AMPH: variants seen among roughly 807,000 people sequenced by gnomAD.
The protein encoded by AMPH is amphiphysin, also known as amphiphysin (Stiff-Mann syndrome with breast cancer 128kD autoantigen).
A neutral mutation model predicts 99.1 loss-of-function variants in AMPH; 49 were observed. That is an observed-to-expected ratio of 0.49 (90% CI 0.39 to 0.63). AMPH has a LOEUF of 0.63. AMPH is among the 20% of genes least tolerant of loss of function. The pLI is 0.00. For synonymous variants in AMPH, 314 were observed against 317.3 expected (o/e 0.99, Z 0.11); for missense variants, 759 against 863.4 (o/e 0.88, Z 1.52).
chr7:38,467,275 A>G (rs1171166305), intron 7 of AMPH, among the ~76,000 whole-genome samples: 2 of 152,182 alleles, frequency 1.3e-5, no homozygotes, highest in African/African-American at 2.4e-5. Flanking sequence ...TGTCTGAGAT[A>G]GGGCAAAGGA....
rs777835794 is a variant in AMPH, at chr7:38,391,812, GC to G, written c.1813del (p.Ala605LeufsTer5). ...QPTPSAPAMG[A>X]ADQLASAREA... ...CCTTGCAGATGCTAGCTGGTCAGCA[GC>G]CCCCATGGCTGGTGCAGAAGGCGTG... On this transcript the variant is annotated frameshift_variant, in exon 19 of 21. Coordinates refer to ENST00000356264, the MANE Select transcript of AMPH (RefSeq NM_001635.4). LOFTEE classifies it high-confidence loss of function. 6.2e-7 allele frequency: 1 copy of G among 1,613,942 alleles called. No individual in the cohort carries two copies. Among genetic ancestry groups the G allele is most frequent in the Non-Finnish European group, 8.5e-7 (1 of 1,180,004 alleles).
At chr7:38,503,758 C>T (rs1789231686) in intron 2 of AMPH, 54 bp from the exon 3 acceptor site, 2 of 1,575,964 alleles carry the variant, frequency 1.3e-6, no homozygotes, top group Non-Finnish European at 1.7e-6. Context: ...TGCATGAAAA[C>T]ATGTAAGAAG....
chr7:38,553,865 A>AT (rs1791266132), intron 1 of AMPH, among the ~76,000 whole-genome samples: 1 of 152,358 alleles, frequency 6.6e-6, no homozygotes, highest in East Asian at 1.9e-4. Context: ...TTGGCTACAG[A>AT]TAAAAAAGAC....
At chr7:38,432,146 G>A in intron 13 of AMPH, 43 bp downstream of exon 13, 4 of 1,553,858 alleles carry the variant, frequency 2.6e-6, no homozygotes, top group East Asian at 2.2e-5. Flanking sequence ...CCAAATTTCT[G>A]GGGATCAAGA....
At chr7:38,545,651 C>T (rs1051603195) in intron 1 of AMPH, among the ~76,000 whole-genome samples, 5 of 152,190 alleles carry the variant, frequency 3.3e-5, no homozygotes, top group African/African-American at 1.2e-4. Context: ...ATAGGCTACA[C>T]GGTACTTACG....
At chr7:38,435,828 C>T (rs986143163) in intron 12 of AMPH, among the ~76,000 whole-genome samples, 7 of 152,150 alleles carry the variant, frequency 4.6e-5, no homozygotes, top group East Asian at 3.9e-4. Context: ...ACACTGAAAA[C>T]GGCTTCTGCT....
At chr7:38,470,654 A>T (rs1787849859) in intron 7 of AMPH, among the ~76,000 whole-genome samples, 1 of 152,028 alleles carries the variant, frequency 6.6e-6, no homozygotes, top group South Asian at 2.1e-4. Context: ...GATCTATCCG[A>T]CCATCTAATT....
intron 9 of AMPH, among the ~76,000 whole-genome samples, chr7:38,465,161 T>C (rs1452040927): frequency 1.3e-5 from 2 of 152,156 alleles, no homozygotes; most frequent in African/African-American, 4.8e-5. Flanking sequence ...ACAAATTATA[T>C]ATTACAACAA....
intron 7 of AMPH, among the ~76,000 whole-genome samples, chr7:38,467,635 G>A (rs1404877476): frequency 1.5e-5 from 1 of 66,714 alleles, no homozygotes; most frequent in Non-Finnish European, 2.9e-5. Context: ...ACTTACAATG[G>A]AAATATGTGT....
chr7:38,407,520 A>G (rs1160390508), intron 17 of AMPH, among the ~76,000 whole-genome samples: 2 of 152,080 alleles, frequency 1.3e-5, no homozygotes, highest in Non-Finnish European at 2.9e-5. Flanking sequence ...AAAGTTCACT[A>G]TTTGGGTGAT....
At chr7:38,425,475 AT>A (rs1306045205) in intron 15 of AMPH, among the ~76,000 whole-genome samples, 1 of 152,214 alleles carries the variant, frequency 6.6e-6, no homozygotes, top group Non-Finnish European at 1.5e-5. Flanking sequence ...TAGACCCACA[AT>A]TTTTTTATAA....
At chr7:38,601,435 C>A (rs1003552804) in intron 1 of AMPH, among the ~76,000 whole-genome samples, 1 of 152,192 alleles carries the variant, frequency 6.6e-6, no homozygotes, top group African/African-American at 2.4e-5. Context: ...TTTGCTTAAT[C>A]CAAGTTCCAT....
At chr7:38,605,558 CTTTTCGTTTTTTCT>C (rs1348299203) in intron 1 of AMPH, among the ~76,000 whole-genome samples, 3 of 151,506 alleles carry the variant, frequency 2.0e-5, no homozygotes, top group African/African-American at 7.3e-5. Flanking sequence ...TAATGGTTTT[CTTTTCGTTTTTTCT>C]TTTTCTTTTT....
In AMPH at chr7:38,551,959, C is replaced by G. The variant is rs113317922; in HGVS notation, c.70-16948G>C. ...ATATGGAGTGGACATACACTGTCCTCAGTGTTGAAGGCCAAACTAAAGGAT... is the reference window on the plus strand; with the variant it reads ...ATATGGAGTGGACATACACTGTCCTGAGTGTTGAAGGCCAAACTAAAGGAT... On this transcript the variant is annotated intron_variant, in intron 1 of 20. Coordinates refer to ENST00000356264, the MANE Select transcript of AMPH (RefSeq NM_001635.4). Among the ~76,000 whole-genome samples, 1,041 of 152,264 alleles carry G rather than the reference C, an allele frequency of 6.8e-3. 11 individuals are homozygous for G. Among genetic ancestry groups the G allele is most frequent in the Middle Eastern group, 0.031 (9 of 294 alleles).
intron 17 of AMPH, among the ~76,000 whole-genome samples, chr7:38,402,565 A>G (rs1278231045): frequency 6.6e-6 from 1 of 152,210 alleles, no homozygotes; most frequent in East Asian, 1.9e-4. Context: ...GGATTTATCA[A>G]GTCTTGACAT....
chr7:38,451,291 G>A (rs57362798), intron 11 of AMPH, among the ~76,000 whole-genome samples: 7,434 of 147,270 alleles, frequency 0.05, 561 homozygotes, highest in East Asian at 0.34. Context: ...ATATACACAT[G>A]CACACATATA....
rs745448139 is a variant in AMPH at position 38,391,732 on chromosome 7, T to G, written c.1878+16A>C. On this transcript the variant is annotated intron_variant, in intron 19 of 20. Transcript: ENST00000356264. ...AAGCAAAAAAAGGATAAATGAGACT[T>G]AAAAAATAAGAATACCTTGTAGAGA... The G allele has an allele frequency of 1.2e-6, 2 of 1,606,414 alleles. No homozygotes were observed. Among genetic ancestry groups the G allele is most frequent in the Admixed American group, 3.4e-5 (2 of 58,118 alleles).
At chr7:38,579,816 C>T (rs1199067624) in intron 1 of AMPH, among the ~76,000 whole-genome samples, 3 of 152,180 alleles carry the variant, frequency 2.0e-5, no homozygotes, top group African/African-American at 7.2e-5. Flanking sequence ...CCCTACATAA[C>T]CTAAATGTAA....
In AMPH at chr7:38,396,895, T is replaced by G. The variant is rs144237692; in HGVS notation, c.1399-2681A>C. 1.8e-3 allele frequency among the ~76,000 whole-genome samples: 279 copies of G among 152,330 alleles called. 1 individual carries two copies. The highest frequency in any genetic ancestry group is 6.2e-3 in the African/African-American group (257 of 41,564). On this transcript the variant is annotated intron_variant, in intron 17 of 20. Transcript: ENST00000356264. ...AGGACCTAATAAAGTTTCTTCTATGTTAAAAACTATACTGAAAGAAAATGT... is the reference window on the plus strand; with the variant it reads ...AGGACCTAATAAAGTTTCTTCTATGGTAAAAACTATACTGAAAGAAAATGT...
Sources: allele counts gnomAD v4.1 joint callset (sites outside exome capture counted in the v4.1 genomes callset), GRCh38; gene constraint gnomAD v4.1.1; transcripts MANE v1.5; gene names NCBI Gene and HGNC (gene_info 2026-07-23, HGNC 2026-07-21).